RAB38: variants seen among roughly 807,000 people sequenced by gnomAD.
RAB38 encodes the protein ras-related protein Rab-38.
RAB38 carries 15 observed loss-of-function variants against 18.4 expected under a neutral mutation model. The observed-to-expected ratio is 0.82, with a 90% CI of 0.55 to 1.26. The LOEUF is 1.26. Ranked by LOEUF, RAB38 falls within the 50% of genes most tolerant of loss-of-function variation. The probability of loss-of-function intolerance (pLI) is 0.00; values close to 1 mark genes in which losing one functional copy is unlikely to be tolerated. For missense variants in RAB38, 294 were observed against 267.4 expected, an observed-to-expected ratio of 1.10 and a Z score of -0.69; for synonymous variants, 101 against 104.4, an observed-to-expected ratio of 0.97 and a Z score of 0.20.
the RAB38 span, among the ~76,000 whole-genome samples, chr11:87,883,479 A>G: frequency 6.6e-6 from 1 of 151,956 alleles, no homozygotes; most frequent in Non-Finnish European, 1.5e-5. Context: ...GAGAAAATGA[A>G]GTAATGCATG....
chr11:87,859,866 A>G, the RAB38 span, among the ~76,000 whole-genome samples: 19 of 152,178 alleles, frequency 1.2e-4, no homozygotes, highest in South Asian at 3.5e-3. Flanking sequence ...TCAACATTGT[A>G]TTGTAACAAG....
chr11:87,852,803 C>G, the RAB38 span, among the ~76,000 whole-genome samples: 3 of 152,232 alleles, frequency 2.0e-5, no homozygotes, highest in African/African-American at 7.2e-5. Context: ...CTTCCCTCTC[C>G]TTCTCCTGCC....
intron 2 of RAB38, among the ~76,000 whole-genome samples, chr11:88,141,764 T>G (rs1229549916): frequency 2.0e-5 from 3 of 152,180 alleles, no homozygotes; most frequent in African/African-American, 7.2e-5. Context: ...TTTCTGTTAT[T>G]TCTCAACTCC....
the RAB38 span, among the ~76,000 whole-genome samples, chr11:87,834,767 G>A: frequency 1.3e-5 from 2 of 152,208 alleles, no homozygotes; most frequent in Admixed American, 1.3e-4. Context: ...TTGACATGCA[G>A]CATCATTGCT....
chr11:87,931,345 C>T, the RAB38 span, among the ~76,000 whole-genome samples: 1 of 152,016 alleles, frequency 6.6e-6, no homozygotes, highest in South Asian at 2.1e-4. Flanking sequence ...TTTCATCATA[C>T]CTACTGTCAT....
the RAB38 span, among the ~76,000 whole-genome samples, chr11:88,010,295 T>TGA: frequency 0.52 from 79,660 of 151,794 alleles, 21,076 homozygotes; most frequent in East Asian, 0.64. Context: ...AGTCATTTAA[T>TGA]GAGTTTCTTA....
the RAB38 span, among the ~76,000 whole-genome samples, chr11:87,868,608 A>AGAGAGAGAGAGAGAGAGAGAGAGAGAAG: frequency 5.8e-5 from 6 of 103,060 alleles, no homozygotes; most frequent in Non-Finnish European, 9.5e-5. Context: ...AGAGAGAGAG[A>AGAGAGAGAGAGAGAGAGAGAGAGAGAAG]GAGAGAGAGA....
chr11:87,848,556 T>G, the RAB38 span, among the ~76,000 whole-genome samples: 1 of 151,784 alleles, frequency 6.6e-6, no homozygotes, highest in Non-Finnish European at 1.5e-5. Context: ...ACAAAATATG[T>G]TCACATGCCT....
At chr11:87,976,679 A>AAATATATAAT in the RAB38 span, among the ~76,000 whole-genome samples, 3 of 92,242 alleles carry the variant, frequency 3.3e-5, no homozygotes, top group Non-Finnish European at 6.6e-5. Context: ...TATGATATAT[A>AAATATATAAT]TTTATATATT....
the RAB38 span, among the ~76,000 whole-genome samples, chr11:87,842,435 C>T: frequency 6.6e-6 from 1 of 152,202 alleles, no homozygotes; most frequent in African/African-American, 2.4e-5. Context: ...AGGCCTACCT[C>T]ATTTGATATC....
At chr11:88,077,601 G>T in the RAB38 span, among the ~76,000 whole-genome samples, 1 of 152,072 alleles carries the variant, frequency 6.6e-6, no homozygotes, top group Non-Finnish European at 1.5e-5. Flanking sequence ...ATATGCAGAA[G>T]AATGAAACTA....
chr11:87,911,383 T>C, the RAB38 span, among the ~76,000 whole-genome samples: 145 of 152,192 alleles, frequency 9.5e-4, 1 homozygote, highest in Middle Eastern at 6.8e-3. Flanking sequence ...CTTAACCTTT[T>C]TGAGTCTCCG....
At chr11:88,045,245 C>G in the RAB38 span, among the ~76,000 whole-genome samples, 1 of 152,138 alleles carries the variant, frequency 6.6e-6, no homozygotes, top group African/African-American at 2.4e-5. Context: ...AAATTAAATT[C>G]CGGCCCCCAA....
the RAB38 span, chr11:87,815,076 G>A: frequency 6.6e-6 from 1 of 152,216 alleles, no homozygotes; most frequent in African/African-American, 2.4e-5. Flanking sequence ...GGTATAGGGT[G>A]AGGATGGTAG....
chr11:88,067,522 T>A, the RAB38 span, among the ~76,000 whole-genome samples: 1 of 152,180 alleles, frequency 6.6e-6, no homozygotes, highest in East Asian at 1.9e-4. Flanking sequence ...GAAAATAACA[T>A]TGATTGGGTC....
the RAB38 span, among the ~76,000 whole-genome samples, chr11:88,008,194 T>A: frequency 6.6e-6 from 1 of 152,170 alleles, no homozygotes; most frequent in African/African-American, 2.4e-5. Context: ...ACATTTGATA[T>A]CTATATTTAC....
the RAB38 span, among the ~76,000 whole-genome samples, chr11:88,078,717 T>C: frequency 1.3e-5 from 2 of 151,374 alleles, no homozygotes; most frequent in Non-Finnish European, 3.0e-5. Flanking sequence ...TCATCAGAGG[T>C]GGGGAAAAGT....
chr11:87,828,105 T>C, the RAB38 span, among the ~76,000 whole-genome samples: 5 of 152,212 alleles, frequency 3.3e-5, no homozygotes, highest in Non-Finnish European at 2.9e-5. Flanking sequence ...AACTCTGTGC[T>C]CTATCTTTGC....
chr11:88,046,175 T>A, the RAB38 span, among the ~76,000 whole-genome samples: 6 of 152,052 alleles, frequency 3.9e-5, no homozygotes, highest in African/African-American at 1.4e-4. Flanking sequence ...AAGGCCAATA[T>A]CCCATCCCGC....
Sources: gnomAD v4.1 joint callset for allele counts (sites outside exome capture counted in the v4.1 genomes callset) on GRCh38, gnomAD v4.1.1 for gene constraint, MANE v1.5 for transcripts, NCBI Gene and HGNC (gene_info 2026-07-23, HGNC 2026-07-21) for gene names.